The following TMEM132D variants were observed in gnomAD, a reference collection of about 807,000 sequenced individuals.
TMEM132D encodes the protein mature OL transmembrane protein.
A neutral mutation model predicts 62.3 loss-of-function variants in TMEM132D; 21 were observed. That is an observed-to-expected ratio of 0.34 (90% CI 0.24 to 0.49). The LOEUF (loss-of-function observed/expected upper bound fraction) is 0.49, where lower values mean the gene tolerates loss of function less well. Ranked by LOEUF, TMEM132D falls within the 20% of genes least tolerant of loss-of-function variation. TMEM132D has a pLI of 0.99. For missense variants in TMEM132D, 1,346 were observed against 1,402.8 expected, an observed-to-expected ratio of 0.96 and a Z score of 0.65; for synonymous variants, 621 against 575.6, an observed-to-expected ratio of 1.08 and a Z score of -1.13.
chr12:129,417,744 CTA>C (rs892344721), intron 3 of TMEM132D, among the ~76,000 whole-genome samples: 4 of 152,266 alleles, frequency 2.6e-5, no homozygotes, highest in African/African-American at 9.6e-5. Flanking sequence ...GCAAAAGAAA[CTA>C]TCATCAGAGT....
intron 2 of TMEM132D, among the ~76,000 whole-genome samples, chr12:129,579,263 T>C (rs11060446): frequency 0.11 from 16,914 of 152,248 alleles, 1,489 homozygotes; most frequent in East Asian, 0.52. Flanking sequence ...AAACCTACCT[T>C]CTTTCACCTA....
chr12:129,184,438 C>T (rs1878162474), intron 5 of TMEM132D, among the ~76,000 whole-genome samples: 1 of 152,184 alleles, frequency 6.6e-6, no homozygotes, highest in East Asian at 1.9e-4. Flanking sequence ...AAGCACCTGC[C>T]TACGGGATGG....
chr12:129,273,579 T>C (rs66944633), intron 4 of TMEM132D, among the ~76,000 whole-genome samples: 41,512 of 151,732 alleles, frequency 0.27, 6,159 homozygotes, highest in Non-Finnish European at 0.33. Context: ...TGGAATATTA[T>C]GCAGCCATAA....
chr12:129,437,517 T>G lies in TMEM132D; in HGVS notation c.1115+93542A>C, dbSNP rs77790083. On this transcript the variant is annotated intron_variant, in intron 3 of 8. Coordinates refer to ENST00000422113, the MANE Select transcript of TMEM132D (RefSeq NM_133448.3). ...TGCACGTTTTCATACTTCTCAAATT[T>G]TAGACATAAATTTTGGAAAATACCT... 2.6e-3 allele frequency among the ~76,000 whole-genome samples: 398 copies of G among 152,282 alleles called. 3 individuals are homozygous for G. The highest frequency in any genetic ancestry group is 9.1e-3 in the African/African-American group (379 of 41,562).
At chr12:129,876,725 T>C (rs1211717041) in intron 1 of TMEM132D, among the ~76,000 whole-genome samples, 2 of 152,218 alleles carry the variant, frequency 1.3e-5, no homozygotes, top group Non-Finnish European at 2.9e-5. Context: ...AGCTTCAGCT[T>C]GGCCTCATCC....
chr12:129,654,960 C>A (rs949843507), intron 2 of TMEM132D, among the ~76,000 whole-genome samples: 1 of 149,458 alleles, frequency 6.7e-6, no homozygotes, highest in African/African-American at 2.5e-5. Context: ...TTTTTTTTTC[C>A]TTTTTGAGAC....
chr12:129,207,248 T>TGA (rs1593296050), intron 5 of TMEM132D, among the ~76,000 whole-genome samples: 2 of 150,976 alleles, frequency 1.3e-5, no homozygotes, highest in African/African-American at 2.4e-5. Context: ...AGTCAGAAGA[T>TGA]GAATACAGCA....
In TMEM132D at chr12:129,567,924, C is replaced by T. The variant is rs536588700; in HGVS notation, c.969-36719G>A. ...CACCAGTTTAAGCCAATCAGCATATCTCCCATATGTCTTGATGTCTGACCA... is the reference window on the plus strand; with the variant it reads ...CACCAGTTTAAGCCAATCAGCATATTTCCCATATGTCTTGATGTCTGACCA... On this transcript the variant is annotated intron_variant, in intron 2 of 8. Coordinates refer to ENST00000422113, the MANE Select transcript of TMEM132D (RefSeq NM_133448.3). 2.6e-5 allele frequency among the ~76,000 whole-genome samples: 4 copies of T among 152,324 alleles called. No individual in the cohort carries two copies. The South Asian group carries it at 8.3e-4, about 32-fold the overall frequency.
chr12:129,418,061 G>A (rs112559608), intron 3 of TMEM132D, among the ~76,000 whole-genome samples: 2,096 of 152,318 alleles, frequency 0.014, 51 homozygotes, highest in African/African-American at 0.047. Flanking sequence ...AGATGCTGGA[G>A]AGGATGTGGA....
rs1428037932 is a variant in TMEM132D at position 129,827,137 on chromosome 12, A to G, written c.79+76124T>C. ...TCTCATAACAATCACTCTTAATAAT[A>G]GCAATTAATAATTAAGCGCGTCTCT... On this transcript the variant is annotated intron_variant, in intron 1 of 8. Coordinates refer to ENST00000422113, the MANE Select transcript of TMEM132D (RefSeq NM_133448.3). This position sits in a 1 kb window ranked among gnomAD's most constrained non-coding sequence, Gnocchi z 9.7. Among the ~76,000 whole-genome samples, 1 of 152,246 alleles carries G rather than the reference A, an allele frequency of 6.6e-6. No homozygotes were observed. Among genetic ancestry groups the G allele is most frequent in the Non-Finnish European group, 1.5e-5 (1 of 68,044 alleles).
At chr12:129,090,329 A>G (rs1874866218) in intron 5 of TMEM132D, among the ~76,000 whole-genome samples, 1 of 152,068 alleles carries the variant, frequency 6.6e-6, no homozygotes, top group Admixed American at 6.6e-5. Context: ...CAAGTGTTCC[A>G]TTTCTAACTC....
chr12:129,825,047 T>A (rs1872627569), intron 1 of TMEM132D, among the ~76,000 whole-genome samples: 1 of 147,760 alleles, frequency 6.8e-6, no homozygotes, highest in Non-Finnish European at 1.5e-5. Context: ...GGAGTCTCAC[T>A]CTGTCACCCA....
intron 3 of TMEM132D, among the ~76,000 whole-genome samples, chr12:129,406,530 G>A (rs1186063074): frequency 6.6e-6 from 1 of 151,718 alleles, no homozygotes; most frequent in Non-Finnish European, 1.5e-5. Flanking sequence ...TAAGGCAGGA[G>A]AATGGCGTGA....
intron 3 of TMEM132D, among the ~76,000 whole-genome samples, chr12:129,398,202 A>AT (rs1440042030): frequency 6.6e-6 from 1 of 152,150 alleles, no homozygotes; most frequent in African/African-American, 2.4e-5. Context: ...TCATAGAGAA[A>AT]TTTTTTGTTT....
chr12:129,126,457 C>A (rs2135659431), intron 5 of TMEM132D, among the ~76,000 whole-genome samples: 1 of 151,742 alleles, frequency 6.6e-6, no homozygotes, highest in African/African-American at 2.4e-5. Flanking sequence ...ACATCGAGAG[C>A]AGTGTTACAG....
chr12:129,562,919 T>C (rs895397100), intron 2 of TMEM132D, among the ~76,000 whole-genome samples: 1 of 152,220 alleles, frequency 6.6e-6, no homozygotes, highest in Non-Finnish European at 1.5e-5. Flanking sequence ...GCATCCCCTG[T>C]ACTCCAGTAG....
intron 4 of TMEM132D, among the ~76,000 whole-genome samples, chr12:129,229,127 A>T (rs12581551): frequency 0.069 from 10,577 of 152,278 alleles, 646 homozygotes; most frequent in East Asian, 0.18. Context: ...AACGTTGTCC[A>T]GTTCCAACAA....
At chr12:129,182,046 T>C (rs1395296217) in intron 5 of TMEM132D, among the ~76,000 whole-genome samples, 1 of 152,066 alleles carries the variant, frequency 6.6e-6, no homozygotes, top group African/African-American at 2.4e-5. Flanking sequence ...GATGAGGGGT[T>C]CATCTGCAAC....
chr12:129,675,938 G>A (rs949953516), intron 2 of TMEM132D, among the ~76,000 whole-genome samples: 12 of 152,168 alleles, frequency 7.9e-5, no homozygotes, highest in Admixed American at 5.2e-4. Context: ...CAGCAAACTC[G>A]GGCTCTCTTA....
Sources: allele counts gnomAD v4.1 joint callset (sites outside exome capture counted in the v4.1 genomes callset), GRCh38; gene constraint gnomAD v4.1.1; non-coding constraint Gnocchi (gnomAD v3.1); transcripts MANE v1.5; gene names NCBI Gene and HGNC (gene_info 2026-07-23, HGNC 2026-07-21).